The following MGAT4C variants were observed in gnomAD, a reference collection of about 807,000 sequenced individuals.
MGAT4C encodes alpha-1,3-mannosyl-glycoprotein 4-beta-N-acetylglucosaminyltransferase C.
MGAT4C carries 19 observed loss-of-function variants against 40.1 expected under a neutral mutation model. The ratio of observed to expected loss-of-function variants is 0.47; its 90% confidence interval spans 0.33 to 0.70. The LOEUF (loss-of-function observed/expected upper bound fraction) is 0.70, where lower values mean the gene tolerates loss of function less well. Among genes scored for constraint, MGAT4C ranks in the 30% least tolerant of loss-of-function variants. MGAT4C has a pLI of 0.02. For missense variants in MGAT4C, 491 were observed against 563.2 expected (o/e 0.87, Z 1.30); for synonymous variants, 181 against 187.1 (o/e 0.97, Z 0.27).
intron 3 of MGAT4C, among the ~76,000 whole-genome samples, chr12:86,408,024 T>A (rs1050978137): frequency 6.6e-6 from 1 of 152,078 alleles, no homozygotes; most frequent in Admixed American, 6.6e-5. Context: ...TCTAATGTTG[T>A]TGCCAGGCAA....
chr12:86,113,484 A>G (rs1032215058), intron 1 of MGAT4C, among the ~76,000 whole-genome samples: 1 of 151,820 alleles, frequency 6.6e-6, no homozygotes, highest in Non-Finnish European at 1.5e-5. Flanking sequence ...CTCTTTAGGT[A>G]AGATAGAAGA....
intron 1 of MGAT4C, among the ~76,000 whole-genome samples, chr12:86,758,821 A>C (rs981843718): frequency 1.3e-5 from 2 of 152,056 alleles, no homozygotes; most frequent in African/African-American, 4.8e-5. Flanking sequence ...ACACGGATGC[A>C]TTGTGTAATG....
chr12:86,456,977 G>A (rs1433791478), intron 2 of MGAT4C, among the ~76,000 whole-genome samples: 2 of 152,032 alleles, frequency 1.3e-5, no homozygotes, highest in South Asian at 2.1e-4. Flanking sequence ...TTCAAAAGCC[G>A]GACTCCTGGA....
intron 1 of MGAT4C, among the ~76,000 whole-genome samples, chr12:86,239,025 C>T (rs947742478): frequency 6.6e-6 from 1 of 151,954 alleles, no homozygotes. Context: ...TAAAGGGTGA[C>T]CCTTAAGATC....
chr12:86,637,636 C>T lies in MGAT4C; in HGVS notation c.-229+89573G>A, dbSNP rs559783886. On this transcript the variant is annotated intron_variant, in intron 2 of 7. Transcript: ENST00000548651. Reference sequence around the variant, plus strand: ...TTCGTTTCAAATATGCTAGGTATAACTTGTTAAAGCTCCTCAGGCCAGTTA... The same window carrying T: ...TTCGTTTCAAATATGCTAGGTATAATTTGTTAAAGCTCCTCAGGCCAGTTA... Among the ~76,000 whole-genome samples the T allele has an allele frequency of 1.2e-4, 18 of 152,002 alleles. 1 individual carries two copies. The South Asian group carries it at 2.5e-3, about 21-fold the overall frequency.
At chr12:86,181,973 T>C (rs1888179431) in intron 1 of MGAT4C, among the ~76,000 whole-genome samples, 1 of 152,098 alleles carries the variant, frequency 6.6e-6, no homozygotes, top group Non-Finnish European at 1.5e-5. Flanking sequence ...TAAACCACTG[T>C]TAGAATATTT....
intron 3 of MGAT4C, among the ~76,000 whole-genome samples, chr12:86,399,936 G>C (rs1283445594): frequency 1.3e-5 from 2 of 152,144 alleles, no homozygotes; most frequent in Non-Finnish European, 2.9e-5. Flanking sequence ...CCAAGAATAG[G>C]GTTGTGGGAT....
In MGAT4C at chr12:86,522,670, C is replaced by T. The variant is rs559296523; in HGVS notation, c.-228-87405G>A. On this transcript the variant is annotated intron_variant, in intron 2 of 7. Transcript: ENST00000548651. Reference sequence around the variant, plus strand: ...TTTTTTGGAATAGTTTCAGCAGGAACGGTACCAGCTCCTCTTTGTACATCT... The same window carrying T: ...TTTTTTGGAATAGTTTCAGCAGGAATGGTACCAGCTCCTCTTTGTACATCT... Among the ~76,000 whole-genome samples the T allele has an allele frequency of 7.9e-5, 12 of 152,094 alleles. 1 individual carries two copies. The highest frequency in any genetic ancestry group is 1.3e-4 in the Non-Finnish European group (9 of 67,946).
intron 3 of MGAT4C, among the ~76,000 whole-genome samples, chr12:86,348,816 T>C (rs1955096245): frequency 6.6e-6 from 1 of 152,130 alleles, no homozygotes; most frequent in South Asian, 2.1e-4. Context: ...CCTTTTATCA[T>C]TCTTTTTGGT....
intron 2 of MGAT4C, among the ~76,000 whole-genome samples, chr12:86,701,657 C>T (rs1487670486): frequency 3.3e-5 from 5 of 152,130 alleles, no homozygotes; most frequent in African/African-American, 9.7e-5. Context: ...AAGATTTTCA[C>T]ATTTCTCACT....
At position 86,110,300 on chromosome 12, in the gene MGAT4C, C is replaced by CTATATA. The variant is rs1212728296; in HGVS notation, c.-56-60583_-56-60578dup. Among the ~76,000 whole-genome samples, 40 of 12,196 alleles carry CTATATA rather than the reference C, an allele frequency of 3.3e-3. 1 individual carries two copies. The highest frequency in any genetic ancestry group is 6.7e-3 in the East Asian group (3 of 450). The allele number at this position is 12,196 out of a possible 152,430, so 8.0% of individuals were successfully genotyped here. On this transcript the variant is annotated intron_variant, in intron 1 of 4. Coordinates refer to ENST00000611864, the MANE Select transcript of MGAT4C (RefSeq NM_001351288.2). ...TATAGTCTATATATATATAGTCTCT[C>CTATATA]TATATATATATATATATAGTCTCTC... is the stretch of plus-strand genomic sequence containing the variant.
chr12:85,998,438 T>G (rs554989254), intron 2 of MGAT4C, among the ~76,000 whole-genome samples: 5 of 152,344 alleles, frequency 3.3e-5, no homozygotes, highest in African/African-American at 1.2e-4. Context: ...AAATGGGATT[T>G]TCTTTTCTAT....
intron 1 of MGAT4C, among the ~76,000 whole-genome samples, chr12:86,125,710 A>G (rs1880130102): frequency 6.6e-6 from 1 of 152,210 alleles, no homozygotes; most frequent in Admixed American, 6.5e-5. Flanking sequence ...ATTGGAGAGG[A>G]CAAAATACCA....
At chr12:86,471,149 A>T (rs151151069) in intron 2 of MGAT4C, among the ~76,000 whole-genome samples, 264 of 152,206 alleles carry the variant, frequency 1.7e-3, no homozygotes, top group African/African-American at 5.8e-3. Flanking sequence ...AATAACTAAC[A>T]CCAGGGGGAA....
chr12:86,471,227 A>T (rs1245052496), intron 2 of MGAT4C, among the ~76,000 whole-genome samples: 1 of 151,974 alleles, frequency 6.6e-6, no homozygotes, highest in African/African-American at 2.4e-5. Flanking sequence ...ATAAAAGATA[A>T]TTTTTCTACT....
At chr12:86,445,386 C>T (rs1240112949) in intron 2 of MGAT4C, among the ~76,000 whole-genome samples, 2 of 152,054 alleles carry the variant, frequency 1.3e-5, no homozygotes, top group Non-Finnish European at 2.9e-5. Context: ...CCATATTTAG[C>T]AAAATTTATT....
At position 86,186,802 on chromosome 12, in the gene MGAT4C, C is replaced by T. The variant is rs556668156; in HGVS notation, c.-57+69437G>A. On this transcript the variant is annotated intron_variant, in intron 1 of 4. Transcript: ENST00000611864. ...TTTCCTGTGTTCGTAAGACCAGTTA[C>T]ATCTAACTGAAGGGAAGAATAAGAA... Among the ~76,000 whole-genome samples the T allele has an allele frequency of 4.6e-5, 7 of 152,210 alleles. No homozygotes were observed. In the East Asian group the frequency reaches 1.4e-3, roughly 29 times the overall value.
intron 1 of MGAT4C, among the ~76,000 whole-genome samples, chr12:86,171,510 C>T (rs938361526): frequency 2.0e-5 from 3 of 152,132 alleles, no homozygotes; most frequent in African/African-American, 4.8e-5. Context: ...AGTGAATTGA[C>T]CATTCTAATG....
At chr12:86,223,489 C>T (rs1950959119) in intron 1 of MGAT4C, among the ~76,000 whole-genome samples, 1 of 152,172 alleles carries the variant, frequency 6.6e-6, no homozygotes, top group Admixed American at 6.5e-5. Context: ...CAAGAAACCA[C>T]ATGACCCACA....
Sources: gnomAD v4.1 joint callset for allele counts (sites outside exome capture counted in the v4.1 genomes callset) on GRCh38, gnomAD v4.1.1 for gene constraint, MANE v1.5 for transcripts, NCBI Gene and HGNC (gene_info 2026-07-23, HGNC 2026-07-21) for gene names.